Variants in PAGE2 observed in about 807,000 individuals in gnomAD.
The protein encoded by PAGE2 is PAGE family member 2, also known as P antigen family member 2.
A neutral mutation model predicts 7.5 loss-of-function variants in PAGE2; 6 were observed. That is an observed-to-expected ratio of 0.80 (90% CI 0.44 to 1.57). The LOEUF (loss-of-function observed/expected upper bound fraction) is 1.57, where lower values mean the gene tolerates loss of function less well. Among genes scored for constraint, PAGE2 ranks in the 40% most tolerant of loss-of-function variants. The pLI, the probability that PAGE2 is intolerant of heterozygous loss-of-function variation, is 0.01. For synonymous variants in PAGE2, 22 were observed against 25.4 expected, an observed-to-expected ratio of 0.87 and a Z score of 0.41; for missense variants, 72 against 76.4, an observed-to-expected ratio of 0.94 and a Z score of 0.21.
At position 55,090,286 on chromosome X, in the gene PAGE2, T is replaced by TTC. The variant is rs925456372; in HGVS notation, c.84+196_84+197dup. On this transcript the variant is annotated intron_variant, in intron 2 of 4. Coordinates refer to ENST00000374968, the MANE Select transcript of PAGE2 (RefSeq NM_207339.4). ...GTGTTACCTGTATGGATATGGATAT[T>TTC]TCTCTCTCTCTCTCTATCTCTATGT... Among the ~76,000 whole-genome samples, 5 of 107,779 alleles carry TTC rather than the reference T, an allele frequency of 4.6e-5. 1 individual carries two copies. Among genetic ancestry groups the TTC allele is most frequent in the Admixed American group, 4.0e-4 (4 of 10,104 alleles). 93.6% of individuals were successfully genotyped at this position (107,779 alleles called of 115,157 possible).
At chrX:55,091,101 G>C (rs1442735777) in intron 3 of PAGE2, among the ~76,000 whole-genome samples, 2 of 111,261 alleles carry the variant, frequency 1.8e-5, no homozygotes, top group Non-Finnish European at 3.8e-5. Flanking sequence ...AATGTGATAA[G>C]AATAAGAACA....
rs1389653892 is a variant in PAGE2, at chrX:55,089,825, C to T, written c.-8-188C>T. On this transcript the variant is annotated intron_variant, in intron 1 of 4. Coordinates refer to ENST00000374968, the MANE Select transcript of PAGE2 (RefSeq NM_207339.4). ...CGTTAAGGGGATTTCTATGCCTCTT[C>T]GACTATGATACAAACAAATCTGTCC... is the stretch of plus-strand genomic sequence containing the variant. 2.2e-4 allele frequency among the ~76,000 whole-genome samples: 24 copies of T among 110,766 alleles called. 1 individual carries two copies. The highest frequency in any genetic ancestry group is 3.6e-4 in the Non-Finnish European group (19 of 53,138).
At position 55,091,407 on chromosome X, in the gene PAGE2, T is replaced by G. The variant is rs144554817; in HGVS notation, c.269T>G (p.Val90Gly). Residue 90 changes from valine (V) to glycine (G), a missense_variant, in exon 4 of 5, where the codon GTC (valine) becomes GGC (glycine). By Grantham distance (109) the Val-to-Gly change is moderately radical. Coordinates refer to ENST00000374968, the MANE Select transcript of PAGE2 (RefSeq NM_207339.4). ...IEDEPGDGPD[V>G]REGIMPTFDL... ...GATGAGCCTGGAGATGGTCCTGATG[T>G]CAGGGAGGGTATTATGCCCACTTTT... 45 of 1,203,513 alleles carry G rather than the reference T, an allele frequency of 3.7e-5. 3 individuals carry two copies. The African/African-American group carries it at 7.9e-4, about 21-fold the overall frequency.
intron 1 of PAGE2, among the ~76,000 whole-genome samples, chrX:55,089,554 C>G (rs1302157769): frequency 9.1e-6 from 1 of 109,781 alleles, no homozygotes; most frequent in Non-Finnish European, 1.9e-5. Context: ...ATAACGTTCA[C>G]TCTGTTTCAC....
chrX:55,090,774 C>T (rs1326556487), intron 3 of PAGE2, among the ~76,000 whole-genome samples, 164 bp downstream of exon 3: 1 of 108,281 alleles, frequency 9.2e-6, no homozygotes, highest in African/African-American at 3.6e-5. Context: ...CATAAAAAGC[C>T]ACTAAGCTTT....
Position 55,090,057 on chromosome X carries a change from G to A in PAGE2, c.37G>A (p.Glu13Lys), listed in dbSNP as rs1936640147. The A allele has an allele frequency of 1.7e-6, 2 of 1,202,485 alleles. No homozygotes were observed. Among genetic ancestry groups the A allele is most frequent in the Non-Finnish European group, 2.2e-6 (2 of 890,199 alleles). Reference sequence around the variant, plus strand: ...TCTAAGAGCAAGATCCCAATCCTCAGAAAGAGGAAATGACCAAGAGTCTTC... The same window carrying A: ...TCTAAGAGCAAGATCCCAATCCTCAAAAAGAGGAAATGACCAAGAGTCTTC... ...ELLRARSQSS[E>K]RGNDQESSQP... Residue 13 changes from glutamate to lysine, a missense_variant, in exon 2 of 5, where the codon GAA (glutamate) becomes AAA (lysine). By Grantham distance (56) the Glu-to-Lys change is moderately conservative. Transcript: ENST00000374968.
chrX:55,091,151 C>T, intron 3 of PAGE2, among the ~76,000 whole-genome samples, 181 bp from the exon 4 acceptor site: 1 of 111,234 alleles, frequency 9.0e-6, no homozygotes, highest in Admixed American at 9.5e-5. Context: ...CTAGGGCCAG[C>T]CTTGGGAAAG....
At chrX:55,090,134 T>C in intron 2 of PAGE2, 30 bp downstream of exon 2, 1 of 1,138,227 alleles carries the variant, frequency 8.8e-7, no homozygotes, top group Non-Finnish European at 1.2e-6. Flanking sequence ...ATGTTTTCTA[T>C]TAACACAATT....
intron 2 of PAGE2, 120 bp from the exon 3 acceptor site, chrX:55,090,382 T>C (rs1936645317): frequency 4.4e-6 from 3 of 687,235 alleles, no homozygotes; most frequent in Non-Finnish European, 4.4e-6. Context: ...TCTATCTATA[T>C]GTGTGTGTAT....
In PAGE2 at chrX:55,089,946, G is replaced by A. The variant is rs759709691; in HGVS notation, c.-8-67G>A. The stretch of plus-strand genomic sequence containing the variant: ...AAAAAGTACAAATCACCATTTTGCC[G>A]TGGAATGTTCATATATATAACTAAG... On this transcript the variant is annotated intron_variant, in intron 1 of 4. Coordinates refer to ENST00000374968, the MANE Select transcript of PAGE2 (RefSeq NM_207339.4). 20 of 839,430 alleles carry A rather than the reference G, an allele frequency of 2.4e-5. No homozygotes were observed. In the Admixed American group the frequency reaches 2.8e-4, roughly 12 times the overall value. 69.2% of individuals were successfully genotyped at this position (839,430 alleles called of 1,213,427 possible). A position where few individuals can be genotyped will look rare whatever the true frequency, so the allele number is the denominator to read the frequency against.
At chrX:55,091,168 G>A (rs1026163137) in intron 3 of PAGE2, among the ~76,000 whole-genome samples, 164 bp from the exon 4 acceptor site, 1 of 111,453 alleles carries the variant, frequency 9.0e-6, no homozygotes, top group African/African-American at 3.3e-5. Context: ...AAAGAAAAGG[G>A]CAATGTTCGA....
Position 55,091,232 on chromosome X carries a change from C to T in PAGE2, c.194-100C>T, listed in dbSNP as rs772463610. ...GCAGATTCCTGAAATAATTAGCCTA[C>T]CGGTTTTTATTTCATAATGATGAGG... On this transcript the variant is annotated intron_variant, in intron 3 of 4. Coordinates refer to ENST00000374968, the MANE Select transcript of PAGE2 (RefSeq NM_207339.4). 88 of 1,141,262 alleles carry T rather than the reference C, an allele frequency of 7.7e-5. No homozygotes were observed. The South Asian group carries it at 1.7e-3, about 22-fold the overall frequency. 94.1% of individuals were successfully genotyped at this position (1,141,262 alleles called of 1,213,427 possible).
In PAGE2 at chrX:55,090,611, G is replaced by A. The variant is rs1162489019; in HGVS notation, c.193+1G>A. On this transcript the variant is annotated splice_donor_variant, in intron 3 of 4. Coordinates refer to ENST00000374968, the MANE Select transcript of PAGE2 (RefSeq NM_207339.4). LOFTEE classifies it high-confidence loss of function. ...AATCAAGCAGTGCCTGCTTTTCAAG[G>A]TGAAGGGAGAGTGGAAAATAATGCT... is the stretch of plus-strand genomic sequence containing the variant. 2.5e-6 allele frequency: 3 copies of A among 1,199,327 alleles called. No homozygotes were observed. The highest frequency in any genetic ancestry group is 3.4e-6 in the Non-Finnish European group (3 of 888,265).
chrX:55,090,796 G>T (rs1271742832), intron 3 of PAGE2, among the ~76,000 whole-genome samples, 186 bp downstream of exon 3: 1 of 108,247 alleles, frequency 9.2e-6, no homozygotes, highest in Non-Finnish European at 1.9e-5. Flanking sequence ...CTACCACTTT[G>T]ATGGAGGCTT....
rs10653050 is a variant in PAGE2 at position 55,089,642 on chromosome X, G to GTCC, written c.-8-371_-8-370insTCC. 2.7e-5 allele frequency among the ~76,000 whole-genome samples: 3 copies of GTCC among 110,021 alleles called. No homozygotes were observed. In the South Asian group the frequency reaches 1.1e-3, roughly 42 times the overall value. ...TTTCCAACAAGACTTGATTTTGAGAGGGGTGTGGGGGTGAAATGGGCCTAG... is the reference window on the plus strand; with the variant it reads ...TTTCCAACAAGACTTGATTTTGAGAGTCCGGGTGTGGGGGTGAAATGGGCCTAG... On this transcript the variant is annotated intron_variant, in intron 1 of 4. Transcript: ENST00000374968.
intron 1 of PAGE2, 144 bp from the exon 2 acceptor site, chrX:55,089,869 A>G (rs1936638093): frequency 6.4e-6 from 3 of 470,333 alleles, no homozygotes; most frequent in South Asian, 7.2e-5. Flanking sequence ...ATTCGAAAGC[A>G]TGTGTACTTA....
chrX:55,089,455 G>C (rs1202398081), intron 1 of PAGE2, among the ~76,000 whole-genome samples: 1 of 110,552 alleles, frequency 9.0e-6, no homozygotes, highest in African/African-American at 3.4e-5. Flanking sequence ...GGTCAGTAAC[G>C]AAGGGGCTTG....
At chrX:55,089,454 C>T (rs1309381182) in intron 1 of PAGE2, among the ~76,000 whole-genome samples, 1 of 110,399 alleles carries the variant, frequency 9.1e-6, no homozygotes, top group Non-Finnish European at 1.9e-5. Context: ...TGGTCAGTAA[C>T]GAAGGGGCTT....
At chrX:55,089,390 T>G (rs1936633322) in intron 1 of PAGE2, 1 of 110,579 alleles carries the variant, frequency 9.0e-6, no homozygotes, top group African/African-American at 3.4e-5. Context: ...CCTGGAACCC[T>G]CTGAGAGAGG....
Sources: gnomAD v4.1 joint callset for allele counts (sites outside exome capture counted in the v4.1 genomes callset) on GRCh38, gnomAD v4.1.1 for gene constraint, MANE v1.5 for transcripts, NCBI Gene and HGNC (gene_info 2026-07-23, HGNC 2026-07-21) for gene names.